The following RBFOX1 variants were observed in gnomAD, a reference collection of about 807,000 sequenced individuals.
RBFOX1 encodes RNA binding fox-1 homolog 1.
RBFOX1 carries 8 observed loss-of-function variants against 57.7 expected under a neutral mutation model. The ratio of observed to expected loss-of-function variants is 0.14; its 90% CI spans 0.08 to 0.25. RBFOX1 has a LOEUF of 0.25. Ranked by LOEUF, RBFOX1 falls within the 10% of genes least tolerant of loss-of-function variation. The pLI is 1.00. For missense variants in RBFOX1, 611 were observed against 548.5 expected (o/e 1.11, Z -1.14); for synonymous variants, 326 against 222.4 (o/e 1.47, Z -4.15).
At chr16:7,588,351 T>C (rs2094242578) in intron 7 of RBFOX1, among the ~76,000 whole-genome samples, 1 of 152,204 alleles carries the variant, frequency 6.6e-6, no homozygotes, top group South Asian at 2.1e-4. Context: ...CCTGATCTGT[T>C]GAATTCAAAA....
intron 1 of RBFOX1, among the ~76,000 whole-genome samples, chr16:5,330,728 G>A (rs1180570838): frequency 6.9e-6 from 1 of 145,824 alleles, no homozygotes; most frequent in Admixed American, 6.8e-5. Flanking sequence ...TTTTTTTAAT[G>A]AGAAACCCTG....
chr16:5,757,623 TGTG>T (rs1324734445), intron 3 of RBFOX1, among the ~76,000 whole-genome samples: 1 of 152,040 alleles, frequency 6.6e-6, no homozygotes, highest in Non-Finnish European at 1.5e-5. Context: ...GACCAGGAAA[TGTG>T]GTGTAGACGT....
chr16:6,587,443 G>A (rs555971901), intron 2 of RBFOX1, among the ~76,000 whole-genome samples: 1 of 152,160 alleles, frequency 6.6e-6, no homozygotes, highest in South Asian at 2.1e-4. Context: ...CACCATGCCT[G>A]GCTAATTTTT....
At chr16:7,026,985 G>C (rs1296522160) in intron 3 of RBFOX1, among the ~76,000 whole-genome samples, 1 of 152,106 alleles carries the variant, frequency 6.6e-6, no homozygotes, top group Admixed American at 6.5e-5. Context: ...GCATACATCA[G>C]CACCCCTAAG....
At chr16:7,354,831 C>T (rs2097186842) in intron 4 of RBFOX1, among the ~76,000 whole-genome samples, 1 of 152,166 alleles carries the variant, frequency 6.6e-6, no homozygotes, top group East Asian at 1.9e-4. Flanking sequence ...TTGTACTAGA[C>T]AGTATGATAT....
chr16:7,226,525 G>T (rs1311128089), intron 4 of RBFOX1, among the ~76,000 whole-genome samples: 1 of 152,088 alleles, frequency 6.6e-6, no homozygotes, highest in Non-Finnish European at 1.5e-5. Flanking sequence ...ATTTTCCTTG[G>T]GTCTGCCGTA....
chr16:7,508,661 T>TAAGA (rs2074135302), intron 4 of RBFOX1, among the ~76,000 whole-genome samples: 1 of 152,172 alleles, frequency 6.6e-6, no homozygotes, highest in African/African-American at 2.4e-5. Flanking sequence ...CAGATTTTCT[T>TAAGA]TCCAACCTTG....
At chr16:7,014,303 C>A (rs950220632) in intron 3 of RBFOX1, among the ~76,000 whole-genome samples, 3 of 151,802 alleles carry the variant, frequency 2.0e-5, no homozygotes, top group Non-Finnish European at 4.4e-5. Flanking sequence ...ATGTTAGCCT[C>A]CTGGGTTCAA....
intron 3 of RBFOX1, among the ~76,000 whole-genome samples, chr16:5,751,492 A>G (rs184173670): frequency 2.8e-4 from 42 of 152,324 alleles, no homozygotes; most frequent in African/African-American, 6.3e-4. Context: ...AGATTTGCAC[A>G]TAATTGTTTT....
chr16:7,201,309 A>C (rs2088370246), intron 4 of RBFOX1, among the ~76,000 whole-genome samples: 2 of 152,194 alleles, frequency 1.3e-5, no homozygotes. Context: ...GAAGAGGTGA[A>C]GTCACCAGCT....
At chr16:6,271,294 C>CAA (rs1203999745) in intron 1 of RBFOX1, among the ~76,000 whole-genome samples, 6 of 152,068 alleles carry the variant, frequency 3.9e-5, no homozygotes, top group African/African-American at 1.4e-4. Flanking sequence ...CATAGTGGCA[C>CAA]ATGTGTGTAG....
chr16:5,444,978 A>C (rs745534089), intron 1 of RBFOX1, among the ~76,000 whole-genome samples: 3 of 152,046 alleles, frequency 2.0e-5, no homozygotes, highest in Non-Finnish European at 4.4e-5. Context: ...GCTCTGGGGA[A>C]ATCAACACCC....
intron 1 of RBFOX1, among the ~76,000 whole-genome samples, chr16:5,246,917 G>A (rs2062315858): frequency 6.6e-6 from 1 of 151,976 alleles, no homozygotes. Flanking sequence ...GCAATCTGCC[G>A]GCCTCAGCCT....
intron 2 of RBFOX1, among the ~76,000 whole-genome samples, chr16:6,593,861 G>C (rs548331245): frequency 1.3e-5 from 2 of 152,288 alleles, no homozygotes; most frequent in South Asian, 4.2e-4. Flanking sequence ...CTGAATGATG[G>C]AAATTTAGGA....
intron 1 of RBFOX1, among the ~76,000 whole-genome samples, chr16:6,151,688 G>T (rs917298940): frequency 1.3e-5 from 2 of 152,202 alleles, no homozygotes; most frequent in African/African-American, 4.8e-5. Context: ...TAGAAGAGGG[G>T]GAGGTATTAA....
At chr16:6,675,169 G>A (rs2057417568) in intron 3 of RBFOX1, among the ~76,000 whole-genome samples, 2 of 152,160 alleles carry the variant, frequency 1.3e-5, no homozygotes, top group Non-Finnish European at 2.9e-5. Context: ...CTCCCAAAGT[G>A]CTGGGTTTAC....
intron 2 of RBFOX1, among the ~76,000 whole-genome samples, chr16:6,445,683 A>G (rs2094470584): frequency 6.6e-6 from 1 of 151,536 alleles, no homozygotes; most frequent in Admixed American, 6.6e-5. Context: ...CCTGGGTTCA[A>G]GCGATTCTCC....
At chr16:5,670,921 T>A (rs1295761137) in intron 3 of RBFOX1, among the ~76,000 whole-genome samples, 5 of 152,224 alleles carry the variant, frequency 3.3e-5, no homozygotes, top group African/African-American at 1.2e-4. Flanking sequence ...ACTTTGCAGA[T>A]GAAGATATTG....
At chr16:6,682,559 G>C (rs554654715) in intron 3 of RBFOX1, among the ~76,000 whole-genome samples, 1 of 152,210 alleles carries the variant, frequency 6.6e-6, no homozygotes, top group Admixed American at 6.5e-5. Flanking sequence ...TGCATGCTTT[G>C]CTGCGGAGAG....
Sources: allele counts gnomAD v4.1 joint callset (sites outside exome capture counted in the v4.1 genomes callset), GRCh38; gene constraint gnomAD v4.1.1; transcripts MANE v1.5; gene names NCBI Gene and HGNC (gene_info 2026-07-23, HGNC 2026-07-21).